ZNF804A: variants seen among roughly 807,000 people sequenced by gnomAD.
ZNF804A encodes the protein zinc finger protein 804A.
Under a neutral mutation model 16.5 loss-of-function variants are expected in ZNF804A, and 2 were observed. That is an observed-to-expected ratio of 0.12 (90% confidence interval 0.05 to 0.38). The LOEUF is 0.38. Ranked by LOEUF, ZNF804A falls within the 10% of genes least tolerant of loss-of-function variation. The pLI is 0.99. For missense variants in ZNF804A, 1,473 were observed against 1,390.7 expected, an observed-to-expected ratio of 1.06 and a Z score of -0.94; for synonymous variants, 534 against 489.6, an observed-to-expected ratio of 1.09 and a Z score of -1.20.
At chr2:184,708,283 A>C (rs545090256) in intron 1 of ZNF804A, among the ~76,000 whole-genome samples, 1 of 152,178 alleles carries the variant, frequency 6.6e-6, no homozygotes, top group South Asian at 2.1e-4. Context: ...CCCGCTTGTC[A>C]ATTTTTGTTT....
At chr2:184,818,390 C>G (rs1476654448) in intron 1 of ZNF804A, among the ~76,000 whole-genome samples, 1 of 151,894 alleles carries the variant, frequency 6.6e-6, no homozygotes, top group Non-Finnish European at 1.5e-5. Flanking sequence ...ACCTGCCTTG[C>G]AAGAGCTCCT....
At chr2:184,703,460 T>C (rs1312113403) in intron 1 of ZNF804A, among the ~76,000 whole-genome samples, 1 of 151,754 alleles carries the variant, frequency 6.6e-6, no homozygotes. Context: ...CCCAGCACTT[T>C]GGGAGGCCGA....
At position 184,839,089 on chromosome 2, in the gene ZNF804A, A is replaced by G. The variant is rs553083537; in HGVS notation, c.112-27280A>G. Among the ~76,000 whole-genome samples, 55 of 152,190 alleles carry G rather than the reference A, an allele frequency of 3.6e-4. No homozygotes were observed. The Middle Eastern group carries it at 0.01, about 28-fold the overall frequency. On this transcript the variant is annotated intron_variant, in intron 1 of 3. Coordinates refer to ENST00000302277, the MANE Select transcript of ZNF804A (RefSeq NM_194250.2). ...TAACATTCTCATATTTTTTGTATAC[A>G]TGTTCATGACGTACTTTAAGAAGTA... is the stretch of plus-strand genomic sequence containing the variant.
Position 184,938,906 on chromosome 2 carries a change from A to G in ZNF804A, c.3510A>G (p.Pro1170=). The change falls in exon 4 of 4, where the codon CCA becomes CCG. Residue 1170 remains proline (P), a synonymous_variant. Transcript: ENST00000302277. ...CTTTTGTTGCTCCTCCTCAGATGCCAATCATTCCAGCTTCCGTTCTTCATC... is the reference window on the plus strand; with the variant it reads ...CTTTTGTTGCTCCTCCTCAGATGCCGATCATTCCAGCTTCCGTTCTTCATC... ...QPTFVAPPQM[P]IIPASVLHPS... is the part of the protein sequence containing the mutation. 1.2e-6 allele frequency: 2 copies of G among 1,613,936 alleles called. No individual in the cohort carries two copies. The highest frequency in any genetic ancestry group is 1.7e-6 in the Non-Finnish European group (2 of 1,179,960).
At chr2:184,657,778 A>G (rs1248118165) in intron 1 of ZNF804A, among the ~76,000 whole-genome samples, 1 of 152,180 alleles carries the variant, frequency 6.6e-6, no homozygotes, top group Non-Finnish European at 1.5e-5. Flanking sequence ...ATGGATTTTT[A>G]TAAGCAATTG....
chr2:184,776,650 T>C (rs1480615993), intron 1 of ZNF804A, among the ~76,000 whole-genome samples: 1 of 151,588 alleles, frequency 6.6e-6, no homozygotes, highest in African/African-American at 2.4e-5. Flanking sequence ...TTGGGAAATG[T>C]AATTAGTTCG....
At chr2:184,719,395 C>T (rs1693268582) in intron 1 of ZNF804A, among the ~76,000 whole-genome samples, 1 of 152,096 alleles carries the variant, frequency 6.6e-6, no homozygotes, top group African/African-American at 2.4e-5. Context: ...ACATTTGGCT[C>T]CTCATTCATT....
chr2:184,695,887 A>T lies in ZNF804A; in HGVS notation c.111+96817A>T, dbSNP rs535645808. Among the ~76,000 whole-genome samples the T allele has an allele frequency of 2.0e-5, 3 of 152,320 alleles. No homozygotes were observed. In the East Asian group the frequency reaches 5.8e-4, roughly 29 times the overall value. ...TATCCTCTGCTTATTATTTTTACAA[A>T]AATTAGGCTGTACCATTTGCTGAAC... On this transcript the variant is annotated intron_variant, in intron 1 of 3. Coordinates refer to ENST00000302277, the MANE Select transcript of ZNF804A (RefSeq NM_194250.2).
intron 1 of ZNF804A, among the ~76,000 whole-genome samples, chr2:184,787,366 G>A (rs1464451731): frequency 6.6e-6 from 1 of 151,788 alleles, no homozygotes; most frequent in Admixed American, 6.6e-5. Context: ...CTTTGGGTAG[G>A]TATCTAGTAG....
chr2:184,753,595 T>C (rs1283582626), intron 1 of ZNF804A, among the ~76,000 whole-genome samples: 6 of 151,778 alleles, frequency 4.0e-5, no homozygotes, highest in Non-Finnish European at 7.4e-5. Context: ...ATCTAATAGG[T>C]GTCCTAACAT....
At chr2:184,760,044 A>T (rs1280167465) in intron 1 of ZNF804A, among the ~76,000 whole-genome samples, 56 of 151,992 alleles carry the variant, frequency 3.7e-4, no homozygotes, top group Non-Finnish European at 7.4e-5. Flanking sequence ...TAATGTCATC[A>T]GTTAAGGCAA....
intron 2 of ZNF804A, among the ~76,000 whole-genome samples, chr2:184,929,274 C>T (rs1056454011): frequency 4.6e-5 from 7 of 152,028 alleles, no homozygotes. Context: ...TCAATGAAAC[C>T]AAATTATTTC....
At chr2:184,870,647 G>C (rs188790921) in intron 2 of ZNF804A, among the ~76,000 whole-genome samples, 10 of 152,030 alleles carry the variant, frequency 6.6e-5, no homozygotes, top group African/African-American at 2.4e-4. Flanking sequence ...CCCAATTAAT[G>C]CTGCTCATAT....
At chr2:184,728,224 A>G (rs1693448812) in intron 1 of ZNF804A, among the ~76,000 whole-genome samples, 1 of 151,834 alleles carries the variant, frequency 6.6e-6, no homozygotes, top group African/African-American at 2.4e-5. Context: ...AATATTTCTG[A>G]ATTCCGAATA....
intron 1 of ZNF804A, among the ~76,000 whole-genome samples, chr2:184,680,419 C>G (rs1045145090): frequency 6.6e-6 from 1 of 152,012 alleles, no homozygotes; most frequent in African/African-American, 2.4e-5. Flanking sequence ...GATTGCTGAA[C>G]AGATGGGATG....
chr2:184,928,742 C>A (rs991145418), intron 2 of ZNF804A, among the ~76,000 whole-genome samples: 2 of 152,182 alleles, frequency 1.3e-5, no homozygotes, highest in African/African-American at 2.4e-5. Flanking sequence ...CTGGCTAGGG[C>A]TGGTTTAAAT....
intron 1 of ZNF804A, among the ~76,000 whole-genome samples, chr2:184,858,868 C>T (rs923009048): frequency 2.0e-5 from 3 of 152,136 alleles, no homozygotes; most frequent in African/African-American, 7.2e-5. Flanking sequence ...AACCCCTCAG[C>T]TTTTGTTTGT....
chr2:184,799,007 C>T (rs1475349280), intron 1 of ZNF804A, among the ~76,000 whole-genome samples: 1 of 152,046 alleles, frequency 6.6e-6, no homozygotes. Context: ...TCTCTGTTCT[C>T]GGTCTAGCCA....
intron 3 of ZNF804A, among the ~76,000 whole-genome samples, chr2:184,934,466 C>T (rs1382020142): frequency 3.9e-5 from 6 of 151,978 alleles, no homozygotes; most frequent in Admixed American, 6.6e-5. Context: ...TTATGGGATA[C>T]GTTGACATAT....
Sources: gnomAD v4.1 joint callset for allele counts (sites outside exome capture counted in the v4.1 genomes callset) on GRCh38, gnomAD v4.1.1 for gene constraint, MANE v1.5 for transcripts, NCBI Gene and HGNC (gene_info 2026-07-23, HGNC 2026-07-21) for gene names.